ARHGAP6: variants seen among roughly 807,000 people sequenced by gnomAD.
The protein encoded by ARHGAP6 is Rho GTPase activating protein 6, also known as rho GTPase-activating protein 6.
ARHGAP6 carries 16 observed loss-of-function variants against 55.7 expected under a neutral mutation model. That is an observed-to-expected ratio of 0.29 (90% CI 0.19 to 0.44). The LOEUF (loss-of-function observed/expected upper bound fraction) is 0.44. Among genes scored for constraint, ARHGAP6 ranks in the 20% least tolerant of loss-of-function variants. The pLI is 1.00. For missense variants in ARHGAP6, 698 were observed against 808.9 expected, an observed-to-expected ratio of 0.86 and a Z score of 1.66; for synonymous variants, 382 against 360.9, an observed-to-expected ratio of 1.06 and a Z score of -0.66.
At chrX:11,477,030 G>C (rs2050409404) in intron 1 of ARHGAP6, among the ~76,000 whole-genome samples, 1 of 109,606 alleles carries the variant, frequency 9.1e-6, no homozygotes, top group South Asian at 3.9e-4. Context: ...AAAATGAAAA[G>C]GCAAGACATA....
At chrX:11,294,958 T>C (rs951791307) in intron 1 of ARHGAP6, 10 of 822,324 alleles carry the variant, frequency 1.2e-5, no homozygotes, top group African/African-American at 6.1e-5. Flanking sequence ...GATGTCTTCA[T>C]ATGTCTCTGG....
At chrX:11,318,598 T>C (rs1210200326) in intron 1 of ARHGAP6, 1 of 112,339 alleles carries the variant, frequency 8.9e-6, no homozygotes. Context: ...ATATGAATAG[T>C]TGGCTGAAAT....
In ARHGAP6 at chrX:11,427,100, C is replaced by T. The variant is rs1331671255; in HGVS notation, c.589-172393G>A. Among the ~76,000 whole-genome samples, 4 of 111,400 alleles carry T rather than the reference C, an allele frequency of 3.6e-5. No individual in the cohort carries two copies. In the South Asian group the frequency reaches 1.2e-3, roughly 33 times the overall value. ...AGTGAAACGGCTGCACCCCAACGCT[C>T]CCGGCAGCATTTCTTCAGCAAATCC... On this transcript the variant is annotated intron_variant, in intron 1 of 12. Transcript: ENST00000337414.
intron 1 of ARHGAP6, among the ~76,000 whole-genome samples, chrX:11,304,349 CAA>C: frequency 9.0e-6 from 1 of 111,252 alleles, no homozygotes; most frequent in Middle Eastern, 4.6e-3. Flanking sequence ...CTCAGCCTCC[CAA>C]AGTGCTAGGA....
chrX:11,216,410 C>G (rs2046883550), intron 2 of ARHGAP6, among the ~76,000 whole-genome samples: 1 of 111,479 alleles, frequency 9.0e-6, no homozygotes, highest in Non-Finnish European at 1.9e-5. Flanking sequence ...TCCTAGCATT[C>G]TGGGAGGCCG....
chrX:11,565,143 T>C (rs1231061617), intron 1 of ARHGAP6, among the ~76,000 whole-genome samples: 2 of 112,328 alleles, frequency 1.8e-5, no homozygotes, highest in African/African-American at 3.2e-5. Flanking sequence ...GTGTGAAGCA[T>C]AGGTACTAGT....
chrX:11,302,024 C>A (rs773961368), intron 1 of ARHGAP6, among the ~76,000 whole-genome samples: 1 of 112,294 alleles, frequency 8.9e-6, no homozygotes, highest in Non-Finnish European at 1.9e-5. Flanking sequence ...AGGAATGTTT[C>A]AAACCAGAGA....
chrX:11,647,735 T>A (rs1243239913), intron 1 of ARHGAP6, among the ~76,000 whole-genome samples: 1 of 112,224 alleles, frequency 8.9e-6, no homozygotes, highest in African/African-American at 3.2e-5. Context: ...AACATTGTAT[T>A]TTACTAACAT....
intron 1 of ARHGAP6, among the ~76,000 whole-genome samples, chrX:11,622,509 CA>C (rs1298032454): frequency 1.8e-5 from 2 of 110,902 alleles, no homozygotes; most frequent in African/African-American, 6.6e-5. Flanking sequence ...GTTACCAAAC[CA>C]GGGGGTTGGG....
chrX:11,278,832 A>G (rs951336689), intron 1 of ARHGAP6, among the ~76,000 whole-genome samples: 1 of 109,075 alleles, frequency 9.2e-6, no homozygotes, highest in African/African-American at 3.3e-5. Flanking sequence ...CTATAATCTC[A>G]CCTCCTTCTA....
chrX:11,638,494 T>C (rs1388065721), intron 1 of ARHGAP6, among the ~76,000 whole-genome samples: 1 of 111,824 alleles, frequency 8.9e-6, no homozygotes, highest in African/African-American at 3.2e-5. Flanking sequence ...GTGATTACTG[T>C]CATCTGAAAT....
In ARHGAP6 at chrX:11,394,237, G is replaced by T. The variant is rs756081393; in HGVS notation, c.589-139530C>A. On this transcript the variant is annotated intron_variant, in intron 1 of 12. Transcript: ENST00000337414. ...CATTGACCTGCTGCAACATGAATGA[G>T]CCTCAAAGACATAATACTGAGTGAA... Among the ~76,000 whole-genome samples the T allele has an allele frequency of 2.7e-5, 3 of 111,978 alleles. No individual in the cohort carries two copies. The South Asian group carries it at 1.1e-3, about 42-fold the overall frequency.
At chrX:11,214,428 G>A (rs1304915408) in intron 2 of ARHGAP6, among the ~76,000 whole-genome samples, 2 of 112,802 alleles carry the variant, frequency 1.8e-5, no homozygotes, top group African/African-American at 6.4e-5. Context: ...GAGGGAGCCT[G>A]GGCTCCACCC....
At chrX:11,283,470 G>A (rs1268856588) in intron 1 of ARHGAP6, among the ~76,000 whole-genome samples, 1 of 111,934 alleles carries the variant, frequency 8.9e-6, no homozygotes, top group Admixed American at 9.5e-5. Context: ...ATTTGTGTAG[G>A]AAGCAGAATA....
At chrX:11,191,903 C>T (rs6654936) in intron 3 of ARHGAP6, among the ~76,000 whole-genome samples, 2 of 111,934 alleles carry the variant, frequency 1.8e-5, no homozygotes, top group East Asian at 2.8e-4. Context: ...TACATTCTTG[C>T]CCCTTTTTCT....
chrX:11,513,603 T>C (rs780202204), intron 1 of ARHGAP6, among the ~76,000 whole-genome samples: 127 of 111,301 alleles, frequency 1.1e-3, no homozygotes, highest in Admixed American at 2.3e-3. Context: ...AATAGTTTTC[T>C]AGCTGAGTTA....
intron 10 of ARHGAP6, among the ~76,000 whole-genome samples, chrX:11,152,874 T>C (rs138378188): frequency 0.013 from 1,442 of 111,823 alleles, 19 homozygotes; most frequent in African/African-American, 0.045. Context: ...AAAATCCGAA[T>C]GTCCAGATTG....
At position 11,233,425 on chromosome X, in the gene ARHGAP6, T is replaced by C. The variant is rs74483285; in HGVS notation, c.748+21123A>G. Among the ~76,000 whole-genome samples the C allele has an allele frequency of 5.4e-4, 60 of 110,966 alleles. No individual in the cohort carries two copies. The East Asian group carries it at 0.017, about 31-fold the overall frequency. On this transcript the variant is annotated intron_variant, in intron 2 of 12. Transcript: ENST00000337414. ...CAACAAACAGCTCACTTGGTTGTTATCTTCCATCTAGTATAAAGATAAAAT... is the reference window on the plus strand; with the variant it reads ...CAACAAACAGCTCACTTGGTTGTTACCTTCCATCTAGTATAAAGATAAAAT...
chrX:11,461,518 T>C (rs2050245092), intron 1 of ARHGAP6, among the ~76,000 whole-genome samples: 1 of 111,739 alleles, frequency 8.9e-6, no homozygotes, highest in Non-Finnish European at 1.9e-5. Flanking sequence ...CCTAACACAC[T>C]TGCTGGACAC....
Sources: allele counts gnomAD v4.1 joint callset (sites outside exome capture counted in the v4.1 genomes callset), GRCh38; gene constraint gnomAD v4.1.1; transcripts MANE v1.5; gene names NCBI Gene and HGNC (gene_info 2026-07-23, HGNC 2026-07-21).